STK38: variants seen among roughly 807,000 people sequenced by gnomAD.
STK38 encodes serine/threonine kinase 38.
In STK38, 26 loss-of-function variants were observed where a neutral mutation model predicts 59.0. The ratio of observed to expected loss-of-function variants is 0.44; its 90% confidence interval spans 0.32 to 0.61. The LOEUF (loss-of-function observed/expected upper bound fraction) is 0.61, where lower values mean the gene tolerates loss of function less well. Ranked by LOEUF, STK38 falls within the 20% of genes least tolerant of loss-of-function variation. The pLI is 0.04. For missense variants in STK38, 433 were observed against 566.0 expected, an observed-to-expected ratio of 0.76 and a Z score of 2.38; for synonymous variants, 175 against 176.6, an observed-to-expected ratio of 0.99 and a Z score of 0.07.
chr6:36,543,745 G>T (rs1156882899), intron 1 of STK38, among the ~76,000 whole-genome samples: 3 of 151,902 alleles, frequency 2.0e-5, no homozygotes, highest in African/African-American at 4.8e-5. Context: ...GGGTTCAAGC[G>T]ATTCTCCTGC....
At chr6:36,515,518 C>CACA in intron 6 of STK38, 26 bp from the exon 7 acceptor site, 1 of 1,537,648 alleles carries the variant, frequency 6.5e-7, no homozygotes, top group South Asian at 1.2e-5. Context: ...TACAAAGCCA[C>CACA]CACACACACA....
At chr6:36,527,763 GA>G (rs1777566804) in intron 2 of STK38, among the ~76,000 whole-genome samples, 1 of 152,004 alleles carries the variant, frequency 6.6e-6, no homozygotes, top group Non-Finnish European at 1.5e-5. Flanking sequence ...CAGCATTCCA[GA>G]TAAACAGGCA....
chr6:36,514,868 A>AT (rs1491111662), intron 7 of STK38, among the ~76,000 whole-genome samples: 1 of 148,956 alleles, frequency 6.7e-6, no homozygotes, highest in Non-Finnish European at 1.5e-5. Flanking sequence ...AAAAAAAAAA[A>AT]GAGGCTGGGC....
chr6:36,526,557 A>G (rs988300556), intron 2 of STK38, among the ~76,000 whole-genome samples: 2 of 152,004 alleles, frequency 1.3e-5, no homozygotes, highest in Non-Finnish European at 2.9e-5. Context: ...TCAGGAGTCC[A>G]AGACCAGCCT....
chr6:36,523,255 C>T (rs1253554936), intron 4 of STK38, among the ~76,000 whole-genome samples: 3 of 150,822 alleles, frequency 2.0e-5, no homozygotes, highest in Admixed American at 2.0e-4. Flanking sequence ...CCCGGGGTAC[C>T]AGGTTTTTTG....
rs370416841 is a variant in STK38 at position 36,511,505 on chromosome 6, G to A, written c.669+3833C>T. 3.2e-4 allele frequency among the ~76,000 whole-genome samples: 48 copies of A among 151,936 alleles called. 2 individuals carry two copies. In the East Asian group the frequency reaches 5.7e-3, roughly 18 times the overall value. On this transcript the variant is annotated intron_variant, in intron 7 of 13. Coordinates refer to ENST00000229812, the MANE Select transcript of STK38 (RefSeq NM_007271.4). ...TGAGTAGCTGGGATTACAGGTGCCCGCCACCACATCTGGCTAATTTTTTTG... is the reference window on the plus strand; with the variant it reads ...TGAGTAGCTGGGATTACAGGTGCCCACCACCACATCTGGCTAATTTTTTTG...
chr6:36,533,149 T>C (rs1777708355), intron 2 of STK38, among the ~76,000 whole-genome samples: 1 of 151,854 alleles, frequency 6.6e-6, no homozygotes, highest in Non-Finnish European at 1.5e-5. Flanking sequence ...TACTAGTGCA[T>C]TGTTGTTTTT....
At chr6:36,513,478 C>A (rs1777161771) in intron 7 of STK38, among the ~76,000 whole-genome samples, 1 of 151,710 alleles carries the variant, frequency 6.6e-6, no homozygotes, top group Admixed American at 6.6e-5. Context: ...CCACGCCCAG[C>A]TGATTTTTGT....
At chr6:36,541,071 T>C (rs1268656657) in intron 1 of STK38, among the ~76,000 whole-genome samples, 2 of 151,942 alleles carry the variant, frequency 1.3e-5, no homozygotes, top group Non-Finnish European at 1.5e-5. Flanking sequence ...GCTAATTTTT[T>C]GTATTTTTAG....
chr6:36,544,966 G>C (rs1404585387), intron 1 of STK38, among the ~76,000 whole-genome samples: 1 of 152,136 alleles, frequency 6.6e-6, no homozygotes. Flanking sequence ...AGTTGAGTAA[G>C]TTAATGATTT....
intron 1 of STK38, among the ~76,000 whole-genome samples, chr6:36,546,463 G>A (rs1778054971): frequency 6.6e-6 from 1 of 152,168 alleles, no homozygotes; most frequent in African/African-American, 2.4e-5. Flanking sequence ...AAAGGGTGGA[G>A]ACACTCAGGG....
At chr6:36,546,109 T>A (rs779727846) in intron 1 of STK38, among the ~76,000 whole-genome samples, 19 of 152,310 alleles carry the variant, frequency 1.2e-4, no homozygotes, top group Admixed American at 4.6e-4. Flanking sequence ...GAACTGTAAA[T>A]CCTACTAAAC....
At chr6:36,519,999 T>C (rs890219544) in intron 5 of STK38, among the ~76,000 whole-genome samples, 1 of 152,184 alleles carries the variant, frequency 6.6e-6, no homozygotes, top group Non-Finnish European at 1.5e-5. Context: ...AAAACAATTT[T>C]GCCTCTGTAC....
chr6:36,520,456 A>C (rs777797251), intron 5 of STK38, among the ~76,000 whole-genome samples: 24 of 152,234 alleles, frequency 1.6e-4, no homozygotes, highest in Admixed American at 1.0e-3. Context: ...CTGACAGTTA[A>C]TATTTAATAA....
chr6:36,543,597 C>T (rs1455466665), intron 1 of STK38, among the ~76,000 whole-genome samples: 2 of 152,080 alleles, frequency 1.3e-5, no homozygotes, highest in African/African-American at 4.8e-5. Context: ...CCTGTCTCTA[C>T]TACCCCCCAC....
intron 8 of STK38, 44 bp downstream of exon 8, chr6:36,507,456 G>A: frequency 6.5e-7 from 1 of 1,527,080 alleles, no homozygotes; most frequent in Middle Eastern, 1.7e-4. Context: ...AGCTCTTCTA[G>A]GCCCAGTTAG....
intron 4 of STK38, 93 bp downstream of exon 4, chr6:36,524,248 A>T: frequency 6.9e-7 from 1 of 1,450,050 alleles, no homozygotes; most frequent in Non-Finnish European, 9.2e-7. Flanking sequence ...AATTCCATAT[A>T]TTTGTTATAT....
chr6:36,514,015 T>C lies in STK38; in HGVS notation c.669+1323A>G, dbSNP rs929576219. Among the ~76,000 whole-genome samples the C allele has an allele frequency of 3.3e-5, 5 of 150,292 alleles. 1 individual carries two copies. Among genetic ancestry groups the C allele is most frequent in the Middle Eastern group, 6.4e-3 (2 of 314 alleles). On this transcript the variant is annotated intron_variant, in intron 7 of 13. Coordinates refer to ENST00000229812, the MANE Select transcript of STK38 (RefSeq NM_007271.4). ...CTAAAAATACAAAAAATTAGCTGGG[T>C]GTGGTGGCGGGCGCCTGTAGTCCCA...
Position 36,499,999 on chromosome 6 carries a change from T to C in STK38, c.835-9A>G, listed in dbSNP as rs757016728. The C allele has an allele frequency of 3.7e-6, 6 of 1,609,810 alleles. No individual in the cohort carries two copies. In the African/African-American group the frequency reaches 5.3e-5, roughly 14 times the overall value. On this transcript the variant is annotated splice_polypyrimidine_tract_variant and intron_variant, in intron 9 of 13. Transcript: ENST00000229812. ...CCTACTGTGGAGAAGGCCTGAAACA[T>C]GGACCACACATCAGCGAGGCCCAGC...
Sources: gnomAD v4.1 joint callset for allele counts (sites outside exome capture counted in the v4.1 genomes callset) on GRCh38, gnomAD v4.1.1 for gene constraint, MANE v1.5 for transcripts, NCBI Gene and HGNC (gene_info 2026-07-23, HGNC 2026-07-21) for gene names.